The following PCDH11X variants were observed in gnomAD, a reference collection of about 807,000 sequenced individuals.
PCDH11X encodes the protein protocadherin 11 X-linked.
A neutral mutation model predicts 53.3 loss-of-function variants in PCDH11X; 18 were observed. The observed-to-expected ratio is 0.34, with a 90% confidence interval of 0.23 to 0.50. The LOEUF (loss-of-function observed/expected upper bound fraction) is 0.50, where lower values mean the gene tolerates loss of function less well. Among genes scored for constraint, PCDH11X ranks in the 20% least tolerant of loss-of-function variants. The pLI is 0.98. For synonymous variants in PCDH11X, 279 were observed against 393.3 expected (o/e 0.71, Z 3.44); for missense variants, 570 against 1,032.4 (o/e 0.55, Z 6.14).
chrX:92,122,807 G>A (rs1258491245), intron 6 of PCDH11X, among the ~76,000 whole-genome samples: 2 of 110,176 alleles, frequency 1.8e-5, no homozygotes, highest in Admixed American at 9.8e-5. Context: ...AATGGTGGCG[G>A]GCACCTGTAA....
intron 6 of PCDH11X, among the ~76,000 whole-genome samples, chrX:91,886,428 ATAT>A (rs1940197819): frequency 9.0e-6 from 1 of 110,955 alleles, no homozygotes; most frequent in South Asian, 3.8e-4. Flanking sequence ...ACTCAAAGAA[ATAT>A]TATTTGATCA....
chrX:91,873,991 A>G (rs1316119801), intron 5 of PCDH11X, among the ~76,000 whole-genome samples: 2 of 111,174 alleles, frequency 1.8e-5, no homozygotes, highest in South Asian at 3.8e-4. Context: ...CTTTTATCAC[A>G]TTAGTAAAAT....
At chrX:92,148,466 G>A (rs1413648991) in intron 6 of PCDH11X, among the ~76,000 whole-genome samples, 2 of 106,208 alleles carry the variant, frequency 1.9e-5, no homozygotes, top group Admixed American at 1.1e-4. Flanking sequence ...GAACTCAAGT[G>A]ATCCACTGCG....
chrX:92,596,865 A>T (rs1256639046), intron 10 of PCDH11X, among the ~76,000 whole-genome samples: 1 of 109,839 alleles, frequency 9.1e-6, no homozygotes, highest in Non-Finnish European at 1.9e-5. Flanking sequence ...ATTTATCATG[A>T]CCAAGAAGTC....
intron 6 of PCDH11X, among the ~76,000 whole-genome samples, chrX:92,059,740 A>G (rs2063499885): frequency 9.0e-6 from 1 of 110,662 alleles, no homozygotes; most frequent in South Asian, 3.8e-4. Flanking sequence ...ATGATGGGGA[A>G]CAAAGCCGGG....
intron 6 of PCDH11X, among the ~76,000 whole-genome samples, chrX:91,890,504 A>C (rs183863836): frequency 0.012 from 1,331 of 110,236 alleles, 17 homozygotes; most frequent in African/African-American, 0.041. Context: ...AAGTACATAT[A>C]AAAAATTAAA....
chrX:92,053,454 T>A (rs898264042), intron 6 of PCDH11X, among the ~76,000 whole-genome samples: 7 of 107,203 alleles, frequency 6.5e-5, no homozygotes, highest in Non-Finnish European at 9.5e-5. Flanking sequence ...TTCATAATAC[T>A]ATCATCAAGA....
chrX:92,537,278 G>A (rs1424400749), intron 10 of PCDH11X, among the ~76,000 whole-genome samples: 8 of 105,934 alleles, frequency 7.6e-5, no homozygotes, highest in Non-Finnish European at 1.4e-4. Flanking sequence ...TTTTGGCCCA[G>A]ACCAATGTGC....
intron 1 of PCDH11X, among the ~76,000 whole-genome samples, chrX:91,793,790 T>C (rs1182674047): frequency 1.8e-5 from 2 of 111,264 alleles, no homozygotes; most frequent in Admixed American, 1.9e-4. Context: ...TAAGTACTGG[T>C]AATGCTTGAT....
In PCDH11X at chrX:92,379,433, C is replaced by A. The variant is rs1402300936; in HGVS notation, c.3145-8302C>A. On this transcript the variant is annotated intron_variant, in intron 8 of 10. Coordinates refer to ENST00000682573, the MANE Select transcript of PCDH11X (RefSeq NM_032968.5). ...ACCACCCACAAACAAGGGAGGGAAG[C>A]AGAGGGGGTGCTGAGGGCAGCTGGG... Among the ~76,000 whole-genome samples the A allele has an allele frequency of 2.7e-5, 3 of 112,945 alleles. No individual in the cohort carries two copies. The East Asian group carries it at 8.4e-4, about 32-fold the overall frequency.
rs1461150461 is a variant in PCDH11X at position 91,884,228 on chromosome X, T to G, written c.3033+4955T>G. On this transcript the variant is annotated intron_variant, in intron 6 of 10. Coordinates refer to ENST00000682573, the MANE Select transcript of PCDH11X (RefSeq NM_032968.5). ...AAAAAAAAAAGAAAAAAAGTTATTT[T>G]TGTTGTAATAATGTTTTCTTTTTCT... is the stretch of plus-strand genomic sequence containing the variant. Among the ~76,000 whole-genome samples, 6 of 110,182 alleles carry G rather than the reference T, an allele frequency of 5.4e-5. No homozygotes were observed. In the East Asian group the frequency reaches 1.7e-3, roughly 31 times the overall value.
At position 92,486,354 on chromosome X, in the gene PCDH11X, C is replaced by T. The variant is rs747953337; in HGVS notation, c.3367+18032C>T. Among the ~76,000 whole-genome samples the T allele has an allele frequency of 1.3e-3, 142 of 111,136 alleles. 1 individual carries two copies. Among genetic ancestry groups the T allele is most frequent in the Non-Finnish European group, 1.9e-3 (102 of 52,953 alleles). On this transcript the variant is annotated intron_variant, in intron 10 of 10. Transcript: ENST00000682573. ...CCCCATTAGTTTTTTATAGTTTGAACGTCTAATAGTTTTGATTTTTTCATC... is the reference window on the plus strand; with the variant it reads ...CCCCATTAGTTTTTTATAGTTTGAATGTCTAATAGTTTTGATTTTTTCATC...
intron 8 of PCDH11X, among the ~76,000 whole-genome samples, chrX:92,286,330 G>A (rs1216326639): frequency 1.8e-5 from 2 of 109,445 alleles, no homozygotes; most frequent in Non-Finnish European, 3.8e-5. Flanking sequence ...TTTCACAGAA[G>A]ATTCAGAATT....
chrX:92,256,533 G>T (rs1259495666), intron 7 of PCDH11X, among the ~76,000 whole-genome samples: 1 of 111,757 alleles, frequency 8.9e-6, no homozygotes, highest in Non-Finnish European at 1.9e-5. Context: ...GATAATGAAT[G>T]ATCTTTCTTT....
chrX:92,515,032 G>C (rs2074237050), intron 10 of PCDH11X, among the ~76,000 whole-genome samples: 1 of 84,354 alleles, frequency 1.2e-5, no homozygotes, highest in Non-Finnish European at 2.2e-5. Flanking sequence ...GGGCGACAGA[G>C]CGAGATTCCA....
chrX:92,589,945 T>C (rs1924846499), intron 10 of PCDH11X, among the ~76,000 whole-genome samples: 1 of 111,613 alleles, frequency 9.0e-6, no homozygotes, highest in Non-Finnish European at 1.9e-5. Context: ...AATCTGAAGA[T>C]TATAAGATCT....
chrX:92,034,496 C>T (rs2063098556), intron 6 of PCDH11X, among the ~76,000 whole-genome samples: 1 of 107,118 alleles, frequency 9.3e-6, no homozygotes, highest in Non-Finnish European at 1.9e-5. Flanking sequence ...ATACTATAAC[C>T]TTCTTTGTCT....
At chrX:92,368,197 C>A (rs1172094647) in intron 8 of PCDH11X, among the ~76,000 whole-genome samples, 37 of 107,175 alleles carry the variant, frequency 3.5e-4, no homozygotes, top group African/African-American at 1.2e-3. Context: ...TGTTCCTTTT[C>A]ATTCTTTTTT....
chrX:92,147,787 T>TTC (rs2065291546), intron 6 of PCDH11X, among the ~76,000 whole-genome samples: 1 of 96,064 alleles, frequency 1.0e-5, no homozygotes, highest in Non-Finnish European at 2.1e-5. Flanking sequence ...CTTCTTTCTT[T>TTC]CTTTTCCTTT....
Sources: gnomAD v4.1 joint callset for allele counts (sites outside exome capture counted in the v4.1 genomes callset) on GRCh38, gnomAD v4.1.1 for gene constraint, MANE v1.5 for transcripts, NCBI Gene and HGNC (gene_info 2026-07-23, HGNC 2026-07-21) for gene names.